Variants in BDKRB1 observed in about 807,000 individuals in gnomAD.
BDKRB1 encodes the protein bradykinin receptor B1, also known as B1 bradykinin receptor.
For missense variants in BDKRB1, 414 were observed against 441.4 expected (o/e 0.94, Z 0.56); for synonymous variants, 192 against 189.1 (o/e 1.02, Z -0.13).
In BDKRB1 at chr14:96,256,256, C is replaced by T. The variant is rs916063306; in HGVS notation, c.-174C>T. 8 of 152,204 alleles carry T rather than the reference C, an allele frequency of 5.3e-5. No homozygotes were observed. The highest frequency in any genetic ancestry group is 2.9e-5 in the Non-Finnish European group (2 of 68,046). The allele number at this position is 152,204 out of a possible 1,614,324, so 9.4% of individuals were successfully genotyped here. ...CTCCTCCAAAAGCAGCTCTCACTAT[C>T]AGAAAACCCAACTACAGTTGTGAAC... On this transcript the variant is annotated 5_prime_UTR_variant, in exon 1 of 3. Coordinates refer to ENST00000216629, the MANE Select transcript of BDKRB1 (RefSeq NM_000710.4).
chr14:96,264,748 A>G lies in BDKRB1; in HGVS notation c.*4A>G. On this transcript the variant is annotated 3_prime_UTR_variant, in exon 3 of 3. Coordinates refer to ENST00000216629, the MANE Select transcript of BDKRB1 (RefSeq NM_000710.4). Reference sequence around the variant, plus strand: ...CCAACTTTTCTGGCGGAATTAAAACAGCATTGAACCAAGAAGCTTGGCTTT... The same window carrying G: ...CCAACTTTTCTGGCGGAATTAAAACGGCATTGAACCAAGAAGCTTGGCTTT... 6.3e-7 allele frequency: 1 copy of G among 1,596,488 alleles called. No homozygotes were observed. The highest frequency in any genetic ancestry group is 8.5e-7 in the Non-Finnish European group (1 of 1,173,650).
At chr14:96,259,137 C>T (rs1325136503) in intron 1 of BDKRB1, among the ~76,000 whole-genome samples, 3 of 152,126 alleles carry the variant, frequency 2.0e-5, no homozygotes, top group African/African-American at 2.4e-5. Flanking sequence ...TCACTAAAAG[C>T]TTTGAAAGTT....
In BDKRB1 at chr14:96,259,076, A is replaced by G. The variant is rs534077063; in HGVS notation, c.-130+2776A>G. ...AGCATTTGATTTTGATCATTTTCTG[A>G]TACATTTTATAATTTTTCTGCATAC... On this transcript the variant is annotated intron_variant, in intron 1 of 2. Transcript: ENST00000216629. Among the ~76,000 whole-genome samples the G allele has an allele frequency of 2.0e-5, 3 of 152,312 alleles. 1 individual carries two copies. The highest frequency in any genetic ancestry group is 7.2e-5 in the African/African-American group (3 of 41,580).
In BDKRB1 at chr14:96,263,842, G is replaced by A. The variant is rs1595276542; in HGVS notation, c.160G>A (p.Gly54Arg). ...CTCCATCTGTTTCTTCGGCCTCCTAGGGAACCTTTTTGTCCTGTTGGTCTT... is the reference window on the plus strand; with the variant it reads ...CTCCATCTGTTTCTTCGGCCTCCTAAGGAACCTTTTTGTCCTGTTGGTCTT... ...IISICFFGLL[G>R]NLFVLLVFLL... Residue 54 changes from glycine (G) to arginine (R), a missense_variant, in exon 3 of 3, where the codon GGG (glycine) becomes AGG (arginine). By Grantham distance (125) the Gly-to-Arg change is moderately radical. Transcript: ENST00000216629. 1 of 1,613,936 alleles carries A rather than the reference G, an allele frequency of 6.2e-7. No homozygotes were observed. Among genetic ancestry groups the A allele is most frequent in the East Asian group, 2.2e-5 (1 of 44,886 alleles).
Position 96,264,121 on chromosome 14 carries a change from A to C in BDKRB1, c.439A>C (p.Arg147=), listed in dbSNP as rs780825887. The C allele has an allele frequency of 6.3e-7, 1 of 1,595,502 alleles. No homozygotes were observed. Among genetic ancestry groups the C allele is most frequent in the Non-Finnish European group, 8.5e-7 (1 of 1,170,292 alleles). Residue 147 remains arginine (R), a synonymous_variant, in exon 3 of 3, where the codon AGG becomes CGG. Transcript: ENST00000216629. ...RVLVHPMASR[R]QQRRRQARVT... is the part of the protein sequence containing the mutation. ...GCTGGTGCACCCTATGGCCAGCCGG[A>C]GGCAGCAGCGGCGGAGGCAGGCCCG...
intron 2 of BDKRB1, among the ~76,000 whole-genome samples, chr14:96,263,290 A>G (rs1885800396): frequency 6.6e-6 from 1 of 152,224 alleles, no homozygotes; most frequent in Non-Finnish European, 1.5e-5. Context: ...TCCTGACAAC[A>G]GCCCTCCCGT....
chr14:96,263,155 G>C (rs1026411953), intron 2 of BDKRB1, among the ~76,000 whole-genome samples: 4 of 152,098 alleles, frequency 2.6e-5, no homozygotes, highest in African/African-American at 9.7e-5. Flanking sequence ...AAGAGGTAGA[G>C]GCTCATTAAA....
At chr14:96,262,253 A>G (rs919839840) in intron 1 of BDKRB1, among the ~76,000 whole-genome samples, 3 of 152,200 alleles carry the variant, frequency 2.0e-5, no homozygotes, top group Non-Finnish European at 4.4e-5. Flanking sequence ...TTTGTCATTC[A>G]TCGCGTGGGG....
At chr14:96,256,336 A>G (rs1397779810) in intron 1 of BDKRB1, 36 bp downstream of exon 1, 2 of 151,746 alleles carry the variant, frequency 1.3e-5, no homozygotes, top group African/African-American at 4.8e-5. Context: ...TTCTTTTATG[A>G]GAGTACAATA....
intron 1 of BDKRB1, among the ~76,000 whole-genome samples, chr14:96,262,211 C>G (rs1303430674): frequency 6.6e-6 from 1 of 152,224 alleles, no homozygotes; most frequent in Admixed American, 6.5e-5. Context: ...TAGGTCTTCT[C>G]CGACAAGCTG....
chr14:96,261,957 A>C (rs773362172), intron 1 of BDKRB1, among the ~76,000 whole-genome samples: 5 of 152,248 alleles, frequency 3.3e-5, no homozygotes, highest in Non-Finnish European at 5.9e-5. Flanking sequence ...CCCTATGGAA[A>C]GAGACAGAGC....
chr14:96,259,864 C>T (rs903352566), intron 1 of BDKRB1: 5 of 152,150 alleles, frequency 3.3e-5, no homozygotes, highest in African/African-American at 1.2e-4. Context: ...TCAGCCATCA[C>T]TTCCACTGTT....
At chr14:96,262,588 T>C in intron 1 of BDKRB1, 64 bp from the exon 2 acceptor site, 1 of 411,678 alleles carries the variant, frequency 2.4e-6, no homozygotes, top group Non-Finnish European at 4.7e-6. Context: ...TCTTTTTTCT[T>C]TTCTCTCTCT....
rs1404687497 is a variant in BDKRB1 at position 96,262,690 on chromosome 14, C to CA, written c.-89dup. On this transcript the variant is annotated 5_prime_UTR_variant, in exon 2 of 3. Coordinates refer to ENST00000216629, the MANE Select transcript of BDKRB1 (RefSeq NM_000710.4). ...CGGCCCAGACTGAAGTGCAGTGGCA[C>CA]AATCATAGCTCGCTGCAGCCTCGAC... The CA allele has an allele frequency of 2.3e-6, 1 of 439,872 alleles. No individual in the cohort carries two copies. Among genetic ancestry groups the CA allele is most frequent in the East Asian group, 7.2e-5 (1 of 13,826 alleles). 27.2% of individuals were successfully genotyped at this position (439,872 alleles called of 1,614,324 possible). A position where few individuals can be genotyped will look rare whatever the true frequency, so the allele number is the denominator to read the frequency against.
chr14:96,260,088 G>A (rs903406276), intron 1 of BDKRB1, among the ~76,000 whole-genome samples: 15 of 150,150 alleles, frequency 1.0e-4, no homozygotes, highest in African/African-American at 2.5e-4. Context: ...GTACTGGTGC[G>A]ATCTCAGCTC....
chr14:96,260,801 A>T (rs1048242405), intron 1 of BDKRB1, among the ~76,000 whole-genome samples: 2 of 152,094 alleles, frequency 1.3e-5, no homozygotes, highest in South Asian at 4.1e-4. Context: ...TGGTGATTTC[A>T]TCCAGCCTTG....
rs552757998 is a variant in BDKRB1 at position 96,257,526 on chromosome 14, A to C, written c.-130+1226A>C. On this transcript the variant is annotated intron_variant, in intron 1 of 2. Coordinates refer to ENST00000216629, the MANE Select transcript of BDKRB1 (RefSeq NM_000710.4). ...GAGAGAATTATGGGAGCTACAACTCAAGATGAGATTTGGGTGGGGACACAG... is the reference window on the plus strand; with the variant it reads ...GAGAGAATTATGGGAGCTACAACTCCAGATGAGATTTGGGTGGGGACACAG... Among the ~76,000 whole-genome samples the C allele has an allele frequency of 4.6e-5, 7 of 152,302 alleles. 1 individual carries two copies. The South Asian group carries it at 1.5e-3, about 32-fold the overall frequency.
At chr14:96,259,003 T>C (rs925916865) in intron 1 of BDKRB1, among the ~76,000 whole-genome samples, 4 of 152,236 alleles carry the variant, frequency 2.6e-5, no homozygotes, top group South Asian at 2.1e-4. Context: ...TCCCACAAGC[T>C]GAAATGTTCC....
rs529318431 is a variant in BDKRB1, at chr14:96,257,266, G to A, written c.-130+966G>A. Among the ~76,000 whole-genome samples the A allele has an allele frequency of 2.0e-5, 3 of 152,328 alleles. No homozygotes were observed. The East Asian group carries it at 5.8e-4, about 29-fold the overall frequency. ...TTCGAGCTAAAGTCCCTGCGTAGCT[G>A]GTCGTCTCTGGCTTCCTGGGCAGGG... On this transcript the variant is annotated intron_variant, in intron 1 of 2. Coordinates refer to ENST00000216629, the MANE Select transcript of BDKRB1 (RefSeq NM_000710.4).
Sources: gnomAD v4.1 joint callset for allele counts (sites outside exome capture counted in the v4.1 genomes callset) on GRCh38, gnomAD v4.1.1 for gene constraint, MANE v1.5 for transcripts, NCBI Gene and HGNC (gene_info 2026-07-23, HGNC 2026-07-21) for gene names.